MZT2B: variants seen among roughly 807,000 people sequenced by gnomAD.
The protein encoded by MZT2B is mitotic spindle organizing protein 2B.
Under a neutral mutation model 12.1 loss-of-function variants are expected in MZT2B, and 11 were observed. The observed-to-expected ratio is 0.91, with a 90% CI of 0.57 to 1.50. The LOEUF is 1.50. MZT2B is among the 40% of genes most tolerant of loss of function. The pLI is 0.00. For missense variants in MZT2B, 209 were observed against 227.7 expected (o/e 0.92, Z 0.53); for synonymous variants, 85 against 109.5 (o/e 0.78, Z 1.40).
At chr2:130,183,543 T>A in intron 2 of MZT2B, 1 of 643,856 alleles carries the variant, frequency 1.6e-6, no homozygotes, top group Non-Finnish European at 2.8e-6. Context: ...TGGCTCTCTC[T>A]GAAATGCAGC....
At position 130,190,384 on chromosome 2, in the gene MZT2B, A is replaced by G. The variant is rs568899251; in HGVS notation, c.320-85A>G. 23 of 1,572,656 alleles carry G rather than the reference A, an allele frequency of 1.5e-5. No individual in the cohort carries two copies. In the South Asian group the frequency reaches 1.9e-4, roughly 13 times the overall value. ...CTTTGATGGAAATGTGCAGACACAA[A>G]TGTTGCCCAAGGACCACGAGTACAG... is the stretch of plus-strand genomic sequence containing the variant. On this transcript the variant is annotated intron_variant, in intron 2 of 2. Coordinates refer to ENST00000281871, the MANE Select transcript of MZT2B (RefSeq NM_025029.5).
chr2:130,186,604 G>T (rs1690073187), intron 2 of MZT2B, among the ~76,000 whole-genome samples: 1 of 152,168 alleles, frequency 6.6e-6, no homozygotes. Context: ...ACTGCGTGTG[G>T]TATGCACAGC....
At chr2:130,201,468 T>C in the MZT2B span, among the ~76,000 whole-genome samples, 272 of 152,048 alleles carry the variant, frequency 1.8e-3, 1 homozygote, top group Middle Eastern at 0.01. Context: ...TATAAGGACA[T>C]GAATCCTGTT....
chr2:130,194,043 A>G (rs758232054), downstream of MZT2B: 15 of 1,614,162 alleles, frequency 9.3e-6, no homozygotes, highest in African/African-American at 1.6e-4. Context: ...GCCAGGGGGA[A>G]GTGGATGCGG....
chr2:130,201,315 C>T, the MZT2B span, among the ~76,000 whole-genome samples: 1 of 152,206 alleles, frequency 6.6e-6, no homozygotes, highest in African/African-American at 2.4e-5. Flanking sequence ...ATACCACTGA[C>T]TGAGTGGCTT....
the MZT2B span, among the ~76,000 whole-genome samples, chr2:130,198,820 T>G: frequency 8.1e-6 from 1 of 123,268 alleles, no homozygotes; most frequent in African/African-American, 2.9e-5. Flanking sequence ...CTTGCCGCCA[T>G]CTACCCAAGT....
intron 2 of MZT2B, among the ~76,000 whole-genome samples, chr2:130,188,978 G>A (rs530844839): frequency 6.6e-6 from 1 of 152,274 alleles, no homozygotes; most frequent in East Asian, 1.9e-4. Flanking sequence ...GAAGGACCAG[G>A]ATTGAGGCTG....
downstream of MZT2B, chr2:130,193,878 C>A (rs1224530569): frequency 6.2e-7 from 1 of 1,614,208 alleles, no homozygotes; most frequent in Non-Finnish European, 8.5e-7. Context: ...GGGACCACGT[C>A]CCCCCTGTAC....
rs746156820 is a variant in MZT2B, at chr2:130,190,515, G to A, written c.366G>A (p.Ala122=). The A allele has an allele frequency of 2.5e-5, 41 of 1,613,658 alleles. 1 individual carries two copies. Among genetic ancestry groups the A allele is most frequent in the Admixed American group, 8.3e-5 (5 of 60,002 alleles). The change falls in exon 3 of 3, where the codon GCG becomes GCA. Residue 122 remains alanine, a synonymous_variant. Coordinates refer to ENST00000281871, the MANE Select transcript of MZT2B (RefSeq NM_025029.5). The part of the protein sequence containing the change: ...SAALGGALAL[A]ERSSREGSSQ... ...CCCTCGGGGGAGCATTGGCCCTGGC[G>A]GAACGCAGCAGCCGCGAAGGATCCA...
the MZT2B span, among the ~76,000 whole-genome samples, chr2:130,196,927 G>C: frequency 2.0e-5 from 3 of 152,186 alleles, no homozygotes; most frequent in Non-Finnish European, 4.4e-5. Context: ...CTTCTTGCTG[G>C]TTTGGTCAAT....
chr2:130,182,748 C>T lies in MZT2B; in HGVS notation c.292C>T (p.Pro98Ser), dbSNP rs531585345. ...EPQDPAAVSL[P>S]TSSVPETRGR... ...CCAGGACCCTGCGGCCGTGTCTCTG[C>T]CCACGTCGAGCGTGCCCGAGACCCG... Residue 98 changes from proline to serine, a missense_variant, in exon 2 of 3, where the codon CCC (proline) becomes TCC (serine). Pro to Ser is a moderately conservative substitution (Grantham distance 74, BLOSUM62 -1). Transcript: ENST00000281871. The T allele has an allele frequency of 1.5e-5, 23 of 1,519,536 alleles. No homozygotes were observed. In the East Asian group the frequency reaches 5.7e-4, roughly 38 times the overall value. 94.1% of individuals were successfully genotyped at this position (1,519,536 alleles called of 1,614,324 possible).
upstream of MZT2B, chr2:130,182,143 G>A: frequency 2.5e-5 from 31 of 1,259,600 alleles, no homozygotes; most frequent in Non-Finnish European, 3.1e-5. Context: ...ACGCCGCGGA[G>A]GCGGCCCCGT....
downstream of MZT2B, among the ~76,000 whole-genome samples, chr2:130,192,993 C>T (rs1690303554): frequency 6.6e-6 from 1 of 151,376 alleles, no homozygotes; most frequent in Non-Finnish European, 1.5e-5. Flanking sequence ...ACTTGGGAGG[C>T]TGAGGCAGAG....
chr2:130,184,264 A>G (rs1689961815), intron 2 of MZT2B: 1 of 985,314 alleles, frequency 1.0e-6, no homozygotes, highest in Admixed American at 6.1e-5. Flanking sequence ...ACAGCCGGCC[A>G]GAGTGCGGTG....
At position 130,182,699 on chromosome 2, in the gene MZT2B, C is replaced by T. The variant is rs1198873180; in HGVS notation, c.243C>T (p.Ala81=). ...AVFQMLKSMC[A]GQRLASEPQD... ...TCCAGATGCTCAAGTCCATGTGTGC[C>T]GGGCAGAGGCTAGCGAGCGAGCCCC... Residue 81 remains alanine, a synonymous_variant, in exon 2 of 3, where the codon GCC becomes GCT. Transcript: ENST00000281871. 1.0e-5 allele frequency: 16 copies of T among 1,546,858 alleles called. No individual in the cohort carries two copies. The highest frequency in any genetic ancestry group is 1.4e-5 in the Non-Finnish European group (16 of 1,144,662).
downstream of MZT2B, chr2:130,190,813 G>A (rs1460795050): frequency 6.0e-6 from 8 of 1,326,344 alleles, no homozygotes; most frequent in Non-Finnish European, 7.8e-6. Context: ...TCCTGGTTGT[G>A]CCACAGTGAA....
In MZT2B at chr2:130,184,789, A is replaced by G. The variant is rs1245681176; in HGVS notation, c.319+2014A>G. 4.1e-6 allele frequency: 4 copies of G among 985,414 alleles called. No homozygotes were observed. In the African/African-American group the frequency reaches 7.0e-5, roughly 17 times the overall value. The allele number at this position is 985,414 out of a possible 1,614,324, so 61.0% of individuals were successfully genotyped here. On this transcript the variant is annotated intron_variant, in intron 2 of 2. Coordinates refer to ENST00000281871, the MANE Select transcript of MZT2B (RefSeq NM_025029.5). Reference sequence around the variant, plus strand: ...CTCAGCACTCACTCAGGGCTCTGGGAGCCAGGCCTAGCTCTCAGGGCAGAG... The same window carrying G: ...CTCAGCACTCACTCAGGGCTCTGGGGGCCAGGCCTAGCTCTCAGGGCAGAG...
At chr2:130,204,703 AAGG>A in the MZT2B span, among the ~76,000 whole-genome samples, 24 of 53,710 alleles carry the variant, frequency 4.5e-4, no homozygotes, top group Admixed American at 3.8e-3. Flanking sequence ...AAAAAAAAAA[AAGG>A]GGGGGTGGGG....
chr2:130,203,836 T>C, the MZT2B span, among the ~76,000 whole-genome samples: 14,307 of 142,528 alleles, frequency 0.1, no homozygotes, highest in African/African-American at 0.33. Context: ...AAATGCTTTA[T>C]TCACCTTTGC....
Sources: allele counts gnomAD v4.1 joint callset (sites outside exome capture counted in the v4.1 genomes callset), GRCh38; gene constraint gnomAD v4.1.1; transcripts MANE v1.5; gene names NCBI Gene and HGNC (gene_info 2026-07-23, HGNC 2026-07-21).